Variants in SLC9A9 observed in about 807,000 individuals in gnomAD.
SLC9A9 encodes the protein solute carrier family 9 member A9.
A neutral mutation model predicts 77.8 loss-of-function variants in SLC9A9; 62 were observed. That is an observed-to-expected ratio of 0.80 (90% CI 0.65 to 0.98). The LOEUF is 0.98. Among genes scored for constraint, SLC9A9 ranks in the 50% least tolerant of loss-of-function variants. SLC9A9 has a pLI of 0.00. For missense variants in SLC9A9, 775 were observed against 774.9 expected (o/e 1.00, Z 0.00); for synonymous variants, 320 against 283.5 (o/e 1.13, Z -1.29).
rs370412784 is a variant in SLC9A9, at chr3:143,317,767, A to G, written c.1604+45717T>C. Among the ~76,000 whole-genome samples, 158 of 152,140 alleles carry G rather than the reference A, an allele frequency of 1.0e-3. 1 individual carries two copies. The highest frequency in any genetic ancestry group is 1.6e-3 in the East Asian group (8 of 5,158). On this transcript the variant is annotated intron_variant, in intron 14 of 15. Transcript: ENST00000316549. ...TTTTGAGACAGAGTCTCGCTCTGTC[A>G]CCCAGGCTGGAGTGCAGTGGAGTGA...
chr3:143,391,057 C>G (rs1347718970), intron 12 of SLC9A9, among the ~76,000 whole-genome samples: 1 of 152,226 alleles, frequency 6.6e-6, no homozygotes, highest in Non-Finnish European at 1.5e-5. Flanking sequence ...CAGCAGAATC[C>G]TCTGCAGACT....
At chr3:143,520,893 C>G (rs375750485) in intron 9 of SLC9A9, among the ~76,000 whole-genome samples, 7 of 152,256 alleles carry the variant, frequency 4.6e-5, no homozygotes, top group East Asian at 1.9e-4. Context: ...TACGAAACAC[C>G]TGCTCATTTA....
At chr3:143,795,609 G>C (rs551839382) in intron 3 of SLC9A9, among the ~76,000 whole-genome samples, 1 of 152,188 alleles carries the variant, frequency 6.6e-6, no homozygotes, top group Non-Finnish European at 1.5e-5. Context: ...GCTCACGCCT[G>C]TAATTCCAGC....
chr3:143,354,586 A>T (rs1277428926), intron 14 of SLC9A9, among the ~76,000 whole-genome samples: 1 of 152,214 alleles, frequency 6.6e-6, no homozygotes, highest in Non-Finnish European at 1.5e-5. Context: ...GTAGCTCATG[A>T]GCTTGTTGGC....
intron 14 of SLC9A9, among the ~76,000 whole-genome samples, chr3:143,298,611 G>T (rs993015800): frequency 2.6e-5 from 4 of 152,224 alleles, no homozygotes; most frequent in Non-Finnish European, 5.9e-5. Flanking sequence ...AGTGTTTCAG[G>T]ATGCTCAAGT....
intron 14 of SLC9A9, among the ~76,000 whole-genome samples, chr3:143,296,128 T>C (rs1440510510): frequency 6.6e-6 from 1 of 152,222 alleles, no homozygotes; most frequent in Non-Finnish European, 1.5e-5. Flanking sequence ...AATAGTATTG[T>C]TAACTGTAGA....
chr3:143,785,906 G>T, intron 4 of SLC9A9, among the ~76,000 whole-genome samples: 1 of 142,640 alleles, frequency 7.0e-6, no homozygotes, highest in Non-Finnish European at 1.5e-5. Flanking sequence ...GCCCAGGCTG[G>T]AGTGCAGTGG....
intron 12 of SLC9A9, among the ~76,000 whole-genome samples, chr3:143,451,015 C>T (rs2034997954): frequency 6.6e-6 from 1 of 152,024 alleles, no homozygotes. Flanking sequence ...CAAATTGCAT[C>T]CTATAGGTAA....
intron 9 of SLC9A9, among the ~76,000 whole-genome samples, chr3:143,510,967 C>T (rs2036106723): frequency 6.6e-6 from 1 of 152,300 alleles, no homozygotes; most frequent in African/African-American, 2.4e-5. Context: ...CCAAGAAATT[C>T]CTGTCAGGAA....
Position 143,423,254 on chromosome 3 carries a change from C to CACACACACGTACACACGCGCGTGT in SLC9A9, c.1470-41141_1470-41140insACACGCGCGTGTGTACGTGTGTGT. ...ACGTGTACACACGCGCGTGTACACA[C>CACACACACGTACACACGCGCGTGT]ACACACACACACACACACACACACA... On this transcript the variant is annotated intron_variant, in intron 12 of 15. Coordinates refer to ENST00000316549, the MANE Select transcript of SLC9A9 (RefSeq NM_173653.4). 2.6e-5 allele frequency among the ~76,000 whole-genome samples: 3 copies of CACACACACGTACACACGCGCGTGT among 115,410 alleles called. No homozygotes were observed. In the South Asian group the frequency reaches 1.0e-3, roughly 39 times the overall value. The allele number at this position is 115,410 out of a possible 152,430, so 75.7% of individuals were successfully genotyped here.
chr3:143,428,766 T>G (rs1312420050), intron 12 of SLC9A9, among the ~76,000 whole-genome samples: 1 of 151,988 alleles, frequency 6.6e-6, no homozygotes, highest in Non-Finnish European at 1.5e-5. Context: ...CAGAATGAAA[T>G]CCTGTTATTA....
chr3:143,731,719 C>T (rs1289635301), intron 4 of SLC9A9, among the ~76,000 whole-genome samples: 1 of 152,176 alleles, frequency 6.6e-6, no homozygotes, highest in African/African-American at 2.4e-5. Context: ...CATTGCTTGT[C>T]CTTTTGAATG....
At chr3:143,448,422 G>A (rs968231980) in intron 12 of SLC9A9, among the ~76,000 whole-genome samples, 1 of 152,086 alleles carries the variant, frequency 6.6e-6, no homozygotes, top group Non-Finnish European at 1.5e-5. Flanking sequence ...ATGTTTTACT[G>A]AATGAGGAAA....
intron 4 of SLC9A9, among the ~76,000 whole-genome samples, chr3:143,779,329 G>A (rs2007796307): frequency 6.6e-6 from 1 of 152,062 alleles, no homozygotes; most frequent in Non-Finnish European, 1.5e-5. Context: ...AATAGTATTT[G>A]AAAAAGTAAT....
intron 1 of SLC9A9, among the ~76,000 whole-genome samples, chr3:143,844,744 TCTTTCTTTCTTTCTTTCTTTC>T (rs1230563911): frequency 1.0e-4 from 15 of 146,466 alleles, no homozygotes; most frequent in African/African-American, 3.6e-4. Context: ...TTTCTTTCTT[TCTTTCTTTCTTTCTTTCTTTC>T]TTTCTTTCTT....
At chr3:143,493,432 C>A (rs1374645994) in intron 11 of SLC9A9, among the ~76,000 whole-genome samples, 3 of 152,144 alleles carry the variant, frequency 2.0e-5, no homozygotes, top group African/African-American at 4.8e-5. Context: ...GATATGATAC[C>A]TTGAAGCCAT....
chr3:143,812,945 T>A (rs978502540), intron 2 of SLC9A9, among the ~76,000 whole-genome samples: 2 of 152,230 alleles, frequency 1.3e-5, no homozygotes, highest in Non-Finnish European at 2.9e-5. Flanking sequence ...TGATTTGTGT[T>A]GTATTTTTTT....
At chr3:143,518,837 G>A (rs1406855652) in intron 9 of SLC9A9, among the ~76,000 whole-genome samples, 1 of 152,194 alleles carries the variant, frequency 6.6e-6, no homozygotes, top group African/African-American at 2.4e-5. Context: ...CAGTGGAACA[G>A]TGGAACTTTG....
At chr3:143,502,600 G>A (rs980528433) in intron 9 of SLC9A9, among the ~76,000 whole-genome samples, 8 of 152,082 alleles carry the variant, frequency 5.3e-5, no homozygotes, top group Admixed American at 2.6e-4. Context: ...TATTACAGCC[G>A]TTCAATATAC....
Sources: gnomAD v4.1 joint callset for allele counts (sites outside exome capture counted in the v4.1 genomes callset) on GRCh38, gnomAD v4.1.1 for gene constraint, MANE v1.5 for transcripts, NCBI Gene and HGNC (gene_info 2026-07-23, HGNC 2026-07-21) for gene names.